SEMA6D: variants seen among roughly 807,000 people sequenced by gnomAD.
SEMA6D encodes semaphorin-6D.
Under a neutral mutation model 106.6 loss-of-function variants are expected in SEMA6D, and 35 were observed. The observed-to-expected ratio is 0.33, with a 90% CI of 0.25 to 0.44. The LOEUF (loss-of-function observed/expected upper bound fraction) is 0.44. Among genes scored for constraint, SEMA6D ranks in the 20% least tolerant of loss-of-function variants. The pLI is 1.00. For synonymous variants in SEMA6D, 499 were observed against 487.7 expected (o/e 1.02, Z -0.31); for missense variants, 1,185 against 1,345.9 (o/e 0.88, Z 1.87).
intron 3 of SEMA6D, among the ~76,000 whole-genome samples, chr15:47,548,138 GA>G (rs578033072): frequency 1.6e-4 from 25 of 152,154 alleles, no homozygotes; most frequent in Non-Finnish European, 3.2e-4. Context: ...ATGTGGAAAT[GA>G]AGGGCTTTTC....
At chr15:47,737,161 C>T (rs1954413881) in intron 1 of SEMA6D, among the ~76,000 whole-genome samples, 1 of 152,154 alleles carries the variant, frequency 6.6e-6, no homozygotes, top group African/African-American at 2.4e-5. Context: ...TAATTACCTT[C>T]GTGATTTCTT....
At chr15:47,643,435 C>A (rs2077525997) in intron 4 of SEMA6D, among the ~76,000 whole-genome samples, 1 of 152,148 alleles carries the variant, frequency 6.6e-6, no homozygotes, top group African/African-American at 2.4e-5. Flanking sequence ...AAATAAGTAA[C>A]CTAGCTGTAG....
chr15:47,439,273 T>C (rs1485171872), intron 2 of SEMA6D, among the ~76,000 whole-genome samples: 1 of 152,134 alleles, frequency 6.6e-6, no homozygotes, highest in Non-Finnish European at 1.5e-5. Flanking sequence ...TTTGTGTACA[T>C]ATTTAACAAA....
intron 4 of SEMA6D, among the ~76,000 whole-genome samples, chr15:47,634,688 C>T (rs1435619201): frequency 1.3e-5 from 2 of 152,162 alleles, no homozygotes; most frequent in African/African-American, 4.8e-5. Context: ...CACCACTAGA[C>T]CTTGCTGACA....
intron 1 of SEMA6D, among the ~76,000 whole-genome samples, chr15:47,299,876 C>G (rs2035951078): frequency 6.6e-6 from 1 of 151,944 alleles, no homozygotes; most frequent in Non-Finnish European, 1.5e-5. Context: ...TGTGTGAGCA[C>G]TAAAAACAAT....
intron 4 of SEMA6D, among the ~76,000 whole-genome samples, chr15:47,711,781 T>C (rs1242938578): frequency 1.3e-5 from 2 of 151,034 alleles, no homozygotes; most frequent in African/African-American, 5.0e-5. Flanking sequence ...AAGAAAAGAT[T>C]GTTTTCATTT....
chr15:47,702,959 A>G (rs190216038), intron 4 of SEMA6D, among the ~76,000 whole-genome samples: 1 of 152,292 alleles, frequency 6.6e-6, no homozygotes. Context: ...CATTCATCCA[A>G]ACTCCTAGAA....
rs375689957 is a variant in SEMA6D at position 47,724,371 on chromosome 15, C to T, written c.-55+6679C>T. ...ATTCCAGAGGTCAGGGATCTTACTGCGTGCTGTAGGAAAAACAAGGTGTAC... is the reference window on the plus strand; with the variant it reads ...ATTCCAGAGGTCAGGGATCTTACTGTGTGCTGTAGGAAAAACAAGGTGTAC... On this transcript the variant is annotated intron_variant, in intron 1 of 18. Transcript: ENST00000536845. Among the ~76,000 whole-genome samples, 16 of 152,266 alleles carry T rather than the reference C, an allele frequency of 1.1e-4. No individual in the cohort carries two copies. In the Middle Eastern group the frequency reaches 0.014, roughly 129 times the overall value.
chr15:47,301,255 A>C (rs2036005634), intron 1 of SEMA6D, among the ~76,000 whole-genome samples: 1 of 152,218 alleles, frequency 6.6e-6, no homozygotes, highest in South Asian at 2.1e-4. Context: ...TCAGAAAGGC[A>C]AATAGTGTAA....
intron 2 of SEMA6D, among the ~76,000 whole-genome samples, chr15:47,445,659 C>T (rs1362473026): frequency 6.6e-6 from 1 of 151,916 alleles, no homozygotes; most frequent in Non-Finnish European, 1.5e-5. Flanking sequence ...TGAACCGTTC[C>T]CCTTTTATCA....
At chr15:47,293,772 T>A (rs552957281) in intron 1 of SEMA6D, among the ~76,000 whole-genome samples, 3 of 152,326 alleles carry the variant, frequency 2.0e-5, no homozygotes, top group Admixed American at 2.0e-4. Context: ...TATGTAGTTA[T>A]TATAAACAAT....
chr15:47,335,603 G>T (rs1478168472), intron 1 of SEMA6D, among the ~76,000 whole-genome samples: 3 of 152,126 alleles, frequency 2.0e-5, no homozygotes, highest in African/African-American at 7.2e-5. Context: ...GATTAAGGAA[G>T]TGCCTTCTAC....
intron 3 of SEMA6D, among the ~76,000 whole-genome samples, chr15:47,543,300 G>A (rs900085282): frequency 1.3e-5 from 2 of 152,100 alleles, no homozygotes. Context: ...TGTGTCAAGG[G>A]TGGGGCCAGG....
At chr15:47,701,770 A>C (rs893261655) in intron 4 of SEMA6D, among the ~76,000 whole-genome samples, 1 of 152,184 alleles carries the variant, frequency 6.6e-6, no homozygotes, top group African/African-American at 2.4e-5. Flanking sequence ...TAGTGATGAT[A>C]TATCCCCTTC....
At chr15:47,651,709 G>A (rs1361518895) in intron 4 of SEMA6D, among the ~76,000 whole-genome samples, 1 of 152,236 alleles carries the variant, frequency 6.6e-6, no homozygotes. Flanking sequence ...TCCCACTCTA[G>A]ATTTGACAAC....
intron 1 of SEMA6D, among the ~76,000 whole-genome samples, chr15:47,373,874 G>A (rs760421992): frequency 5.9e-5 from 9 of 152,242 alleles, no homozygotes; most frequent in Admixed American, 2.0e-4. Flanking sequence ...TAACCTTTTC[G>A]TTGGATAAAG....
chr15:47,235,850 C>A (rs990332630), intron 1 of SEMA6D, among the ~76,000 whole-genome samples: 1 of 151,928 alleles, frequency 6.6e-6, no homozygotes, highest in Non-Finnish European at 1.5e-5. Context: ...AGGTAATTTC[C>A]CAGTCAGGTT....
At chr15:47,434,692 C>A (rs937742513) in intron 2 of SEMA6D, among the ~76,000 whole-genome samples, 4 of 152,090 alleles carry the variant, frequency 2.6e-5, no homozygotes, top group African/African-American at 9.7e-5. Context: ...ATGTCTAGTA[C>A]ATAGAATTCA....
At chr15:47,534,432 C>T (rs1439738872) in intron 3 of SEMA6D, among the ~76,000 whole-genome samples, 9 of 152,172 alleles carry the variant, frequency 5.9e-5, no homozygotes, top group Non-Finnish European at 8.8e-5. Context: ...ATCCACCCAC[C>T]GCAGCCTCCC....
Sources: allele counts gnomAD v4.1 joint callset (sites outside exome capture counted in the v4.1 genomes callset), GRCh38; gene constraint gnomAD v4.1.1; transcripts MANE v1.5; gene names NCBI Gene and HGNC (gene_info 2026-07-23, HGNC 2026-07-21).